BTBD9: variants seen among roughly 807,000 people sequenced by gnomAD.
BTBD9 encodes the protein BTB/POZ domain-containing protein 9.
A neutral mutation model predicts 64.3 loss-of-function variants in BTBD9; 49 were observed. That is an observed-to-expected ratio of 0.76 (90% confidence interval 0.61 to 0.97). The LOEUF is 0.97. BTBD9 is among the 50% of genes least tolerant of loss of function. The probability of loss-of-function intolerance (pLI) is 0.00; values close to 1 mark genes in which losing one functional copy is unlikely to be tolerated. For synonymous variants in BTBD9, 260 were observed against 274.7 expected, an observed-to-expected ratio of 0.95 and a Z score of 0.53; for missense variants, 598 against 762.1, an observed-to-expected ratio of 0.78 and a Z score of 2.53.
intron 6 of BTBD9, among the ~76,000 whole-genome samples, chr6:38,468,988 A>T (rs1770516968): frequency 6.6e-6 from 1 of 152,196 alleles, no homozygotes; most frequent in African/African-American, 2.4e-5. Context: ...AAACATTTTG[A>T]AAAACCTATG....
chr6:38,576,856 C>T (rs1020889370), intron 6 of BTBD9, among the ~76,000 whole-genome samples: 4 of 152,250 alleles, frequency 2.6e-5, no homozygotes, highest in Admixed American at 6.5e-5. Context: ...AACAAATTCA[C>T]TAATTTGTAT....
chr6:38,532,056 G>A (rs1174977684), intron 6 of BTBD9, among the ~76,000 whole-genome samples: 1 of 152,198 alleles, frequency 6.6e-6, no homozygotes, highest in Non-Finnish European at 1.5e-5. Context: ...GATAGGTGTT[G>A]AATTGCCAAC....
intron 8 of BTBD9, among the ~76,000 whole-genome samples, chr6:38,281,832 A>C (rs1046708257): frequency 4.6e-5 from 7 of 152,214 alleles, no homozygotes; most frequent in Non-Finnish European, 8.8e-5. Context: ...TATTTAAAAT[A>C]TTTTGGGTAT....
At chr6:38,409,131 TC>T (rs1470913954) in intron 6 of BTBD9, among the ~76,000 whole-genome samples, 1 of 152,178 alleles carries the variant, frequency 6.6e-6, no homozygotes, top group Non-Finnish European at 1.5e-5. Context: ...GTGCCTGTGA[TC>T]CCAGGTACTT....
intron 9 of BTBD9, among the ~76,000 whole-genome samples, chr6:38,204,114 C>G (rs1762559171): frequency 6.6e-6 from 1 of 152,084 alleles, no homozygotes; most frequent in African/African-American, 2.4e-5. Flanking sequence ...CCCCTATATA[C>G]TGCTTGTGGG....
chr6:38,450,284 G>A (rs1769466333), intron 6 of BTBD9, among the ~76,000 whole-genome samples: 2 of 152,220 alleles, frequency 1.3e-5, no homozygotes, highest in South Asian at 4.2e-4. Context: ...GAGAAGATGG[G>A]GAAATGCTAG....
intron 6 of BTBD9, among the ~76,000 whole-genome samples, chr6:38,445,166 C>A (rs1468391599): frequency 2.0e-5 from 3 of 152,158 alleles, no homozygotes; most frequent in Admixed American, 6.5e-5. Flanking sequence ...AAGACCCTAC[C>A]AATTCTTACT....
chr6:38,555,476 ATATT>A (rs1774974688), intron 6 of BTBD9, among the ~76,000 whole-genome samples: 1 of 152,262 alleles, frequency 6.6e-6, no homozygotes, highest in South Asian at 2.1e-4. Flanking sequence ...ATGTAAGTAT[ATATT>A]TAATCTTCTA....
intron 6 of BTBD9, among the ~76,000 whole-genome samples, chr6:38,531,829 C>G (rs1416659662): frequency 6.6e-6 from 1 of 151,970 alleles, no homozygotes; most frequent in Non-Finnish European, 1.5e-5. Context: ...TCATGATAAC[C>G]TCAAATCAAA....
intron 6 of BTBD9, among the ~76,000 whole-genome samples, chr6:38,491,157 A>G (rs1771684398): frequency 2.0e-5 from 3 of 152,362 alleles, no homozygotes. Context: ...AAACTCAAGC[A>G]TAGGAGAAGA....
rs531338596 is a variant in BTBD9, at chr6:38,315,144, G to T, written c.1265-26683C>A. 2.6e-5 allele frequency among the ~76,000 whole-genome samples: 4 copies of T among 152,230 alleles called. No homozygotes were observed. In the South Asian group the frequency reaches 6.2e-4, roughly 24 times the overall value. ...ATTACAGGCGTGAGCCACCATGCCC[G>T]GCCTCTGATTTTCTTTCTTGGCATC... On this transcript the variant is annotated intron_variant, in intron 7 of 10. Coordinates refer to ENST00000481247, the MANE Select transcript of BTBD9 (RefSeq NM_001099272.2).
At chr6:38,479,095 G>A (rs1336393449) in intron 6 of BTBD9, among the ~76,000 whole-genome samples, 2 of 152,172 alleles carry the variant, frequency 1.3e-5, no homozygotes, top group Non-Finnish European at 2.9e-5. Flanking sequence ...GTTATCAAAT[G>A]GAAACTACAA....
chr6:38,617,716 A>T (rs1299924404), intron 1 of BTBD9, among the ~76,000 whole-genome samples: 1 of 152,182 alleles, frequency 6.6e-6, no homozygotes, highest in East Asian at 1.9e-4. Context: ...TGAGGACAAA[A>T]GACGTCACTG....
At chr6:38,631,084 G>A (rs1778343837) in intron 1 of BTBD9, among the ~76,000 whole-genome samples, 1 of 152,318 alleles carries the variant, frequency 6.6e-6, no homozygotes, top group South Asian at 2.1e-4. Flanking sequence ...AAGAATAAAT[G>A]TATAGAATAG....
intron 6 of BTBD9, among the ~76,000 whole-genome samples, chr6:38,508,293 G>A (rs971140117): frequency 6.6e-6 from 1 of 151,938 alleles, no homozygotes; most frequent in African/African-American, 2.4e-5. Context: ...CTTTTCTTGT[G>A]TTCCCATCTT....
chr6:38,474,342 G>C (rs948488925), intron 6 of BTBD9, among the ~76,000 whole-genome samples: 2 of 152,148 alleles, frequency 1.3e-5, no homozygotes, highest in African/African-American at 4.8e-5. Flanking sequence ...GGCTAATATG[G>C]TGAAATTCTG....
chr6:38,379,760 C>T (rs868035821), intron 6 of BTBD9, among the ~76,000 whole-genome samples: 3 of 152,086 alleles, frequency 2.0e-5, no homozygotes, highest in Non-Finnish European at 4.4e-5. Context: ...CACATATGCT[C>T]GGATATTAAT....
chr6:38,269,078 A>G (rs938053636), intron 8 of BTBD9, among the ~76,000 whole-genome samples: 2 of 152,228 alleles, frequency 1.3e-5, no homozygotes, highest in African/African-American at 4.8e-5. Flanking sequence ...TGCAAGTGCT[A>G]TACAATTTAA....
intron 6 of BTBD9, among the ~76,000 whole-genome samples, chr6:38,479,609 C>T (rs1270482767): frequency 6.6e-6 from 1 of 152,170 alleles, no homozygotes; most frequent in African/African-American, 2.4e-5. Context: ...TGTGACTGGG[C>T]CACCAAGTCC....
Sources: allele counts gnomAD v4.1 joint callset (sites outside exome capture counted in the v4.1 genomes callset), GRCh38; gene constraint gnomAD v4.1.1; transcripts MANE v1.5; gene names NCBI Gene and HGNC (gene_info 2026-07-23, HGNC 2026-07-21).